Variants in SLCO2A1 observed in about 807,000 individuals in gnomAD.
The protein encoded by SLCO2A1 is solute carrier organic anion transporter family member 2A1.
In SLCO2A1, 60 loss-of-function variants were observed where a neutral mutation model predicts 71.7. The observed-to-expected ratio is 0.84, with a 90% confidence interval of 0.68 to 1.04. The LOEUF is 1.04. Ranked by LOEUF, SLCO2A1 falls within the 50% of genes least tolerant of loss-of-function variation. The probability of loss-of-function intolerance (pLI) is 0.00; values close to 1 mark genes in which losing one functional copy is unlikely to be tolerated. For synonymous variants in SLCO2A1, 308 were observed against 326.7 expected, an observed-to-expected ratio of 0.94 and a Z score of 0.62; for missense variants, 745 against 813.4, an observed-to-expected ratio of 0.92 and a Z score of 1.02.
intron 2 of SLCO2A1, among the ~76,000 whole-genome samples, chr3:133,976,944 AC>A (rs1390589288): frequency 1.3e-5 from 2 of 152,042 alleles, no homozygotes; most frequent in East Asian, 3.9e-4. Context: ...CAAAGGCTTC[AC>A]CTCACCTACT....
intron 5 of SLCO2A1, 61 bp from the exon 6 acceptor site, chr3:133,951,405 C>G (rs1933743284): frequency 6.3e-7 from 1 of 1,591,198 alleles, no homozygotes; most frequent in African/African-American, 1.3e-5. Flanking sequence ...TTACTGGAAA[C>G]AGAACCTCTG....
At chr3:133,991,633 C>A (rs1161374459) in intron 1 of SLCO2A1, among the ~76,000 whole-genome samples, 1 of 152,206 alleles carries the variant, frequency 6.6e-6, no homozygotes, top group Non-Finnish European at 1.5e-5. Flanking sequence ...TCAGAACAAT[C>A]TAGGAAGAAA....
Position 133,938,488 on chromosome 3 carries a change from A to C in SLCO2A1, c.1631T>G (p.Val544Gly). 6.2e-7 allele frequency: 1 copy of C among 1,614,056 alleles called. No homozygotes were observed. The part of the protein sequence containing the change: ...NPLYMMVLRV[V>G]NQEEKSFAIG... ...GGCAAATGACTTTTCCTCCTGGTTCACCACACTGAAAAGACAGACAGGAAA... is the reference window on the plus strand; with the variant it reads ...GGCAAATGACTTTTCCTCCTGGTTCCCCACACTGAAAAGACAGACAGGAAA... Residue 544 changes from valine (V) to glycine (G), a missense_variant, in exon 12 of 14, where the codon GTG becomes GGG. By Grantham distance (109) the Val-to-Gly change is moderately radical. Transcript: ENST00000310926.
At chr3:133,942,790 A>T in intron 10 of SLCO2A1, 22 bp from the exon 11 acceptor site, 1 of 1,581,188 alleles carries the variant, frequency 6.3e-7, no homozygotes, top group Non-Finnish European at 8.6e-7. Flanking sequence ...AGGGGAGGGA[A>T]AAAGGGGGAA....
At chr3:134,029,006 A>G (rs1049127319) in intron 1 of SLCO2A1, among the ~76,000 whole-genome samples, 6 of 152,074 alleles carry the variant, frequency 3.9e-5, no homozygotes, top group Non-Finnish European at 8.8e-5. Context: ...GGACCTGCTT[A>G]GACCTTACTG....
At chr3:133,960,633 A>T (rs1934013398) in intron 3 of SLCO2A1, among the ~76,000 whole-genome samples, 1 of 152,226 alleles carries the variant, frequency 6.6e-6, no homozygotes, top group South Asian at 2.1e-4. Context: ...GATGATGATG[A>T]TGGTTGCACA....
chr3:133,986,916 G>A (rs138293544), intron 1 of SLCO2A1, among the ~76,000 whole-genome samples: 29 of 152,038 alleles, frequency 1.9e-4, no homozygotes, highest in African/African-American at 6.3e-4. Flanking sequence ...TCGGAACTAC[G>A]ATCTAACCAT....
chr3:133,946,993 T>C (rs1933594470), intron 9 of SLCO2A1, among the ~76,000 whole-genome samples: 1 of 152,076 alleles, frequency 6.6e-6, no homozygotes, highest in African/African-American at 2.4e-5. Flanking sequence ...TACACACCTG[T>C]AATCCCAGCT....
At position 133,967,114 on chromosome 3, in the gene SLCO2A1, C is replaced by T. The variant is rs143530446; in HGVS notation, c.397+6549G>A. ...GCCTTCCTGGAGAAGCGACTCTCAG[C>T]GGAGCAGGCTGCAGCTTGCCTCCTG... is the stretch of plus-strand genomic sequence containing the variant. On this transcript the variant is annotated intron_variant, in intron 3 of 13. Transcript: ENST00000310926. Among the ~76,000 whole-genome samples, 1,511 of 152,294 alleles carry T rather than the reference C, an allele frequency of 9.9e-3. 15 individuals are homozygous for T. The highest frequency in any genetic ancestry group is 0.018 in the Non-Finnish European group (1,192 of 68,018).
chr3:133,948,770 G>T, intron 7 of SLCO2A1, 70 bp from the exon 8 acceptor site: 1 of 1,595,764 alleles, frequency 6.3e-7, no homozygotes, highest in South Asian at 1.1e-5. Flanking sequence ...GGATGGGCCA[G>T]TTACAGGCCC....
chr3:133,955,234 C>T (rs1253747560), intron 3 of SLCO2A1, 41 bp from the exon 4 acceptor site: 7 of 1,548,436 alleles, frequency 4.5e-6, no homozygotes, highest in Non-Finnish European at 6.1e-6. Context: ...ACCCTGGTCT[C>T]CTGGTTCCAC....
At chr3:133,938,326 G>A (rs763152609) in intron 12 of SLCO2A1, 103 bp downstream of exon 12, 45 of 988,230 alleles carry the variant, frequency 4.6e-5, no homozygotes, top group East Asian at 2.4e-5. Flanking sequence ...TCTTCGCCAT[G>A]GAGATGAGAT....
chr3:133,949,198 A>G lies in SLCO2A1; in HGVS notation c.862-227T>C, dbSNP rs1029440484. 1.4e-5 allele frequency: 8 copies of G among 567,156 alleles called. No homozygotes were observed. The Admixed American group carries it at 1.5e-4, about 11-fold the overall frequency. 35.1% of individuals were successfully genotyped at this position (567,156 alleles called of 1,614,324 possible). On this transcript the variant is annotated intron_variant, in intron 6 of 13. Coordinates refer to ENST00000310926, the MANE Select transcript of SLCO2A1 (RefSeq NM_005630.3). ...CGACAATCAGAACACATCTATGCCA[A>G]TGCCTCCCACGATACCTGTGGGCAT...
At chr3:133,984,369 G>A (rs1934661204) in intron 1 of SLCO2A1, among the ~76,000 whole-genome samples, 1 of 152,180 alleles carries the variant, frequency 6.6e-6, no homozygotes, top group Non-Finnish European at 1.5e-5. Flanking sequence ...TCAGGTCTGG[G>A]TGCCTCATGG....
intron 3 of SLCO2A1, among the ~76,000 whole-genome samples, chr3:133,957,963 A>G (rs935417909): frequency 6.6e-6 from 1 of 152,194 alleles, no homozygotes; most frequent in Admixed American, 6.5e-5. Context: ...CCAGTCCCAC[A>G]CCAGGTCTAG....
chr3:134,029,155 AG>A (rs1242871122), intron 1 of SLCO2A1, among the ~76,000 whole-genome samples: 1 of 152,120 alleles, frequency 6.6e-6, no homozygotes, highest in Non-Finnish European at 1.5e-5. Flanking sequence ...ACAGCCAGGT[AG>A]CAGAGCCCCC....
chr3:134,008,132 C>A (rs779795125), intron 1 of SLCO2A1, among the ~76,000 whole-genome samples: 2 of 152,184 alleles, frequency 1.3e-5, no homozygotes, highest in African/African-American at 2.4e-5. Flanking sequence ...TGTATGAGAA[C>A]CGTGAAGGTG....
At chr3:133,938,705 C>T (rs1933336781) in intron 11 of SLCO2A1, among the ~76,000 whole-genome samples, 1 of 152,054 alleles carries the variant, frequency 6.6e-6, no homozygotes. Flanking sequence ...CCCCTGGGAA[C>T]TTGTTAGATA....
intron 3 of SLCO2A1, among the ~76,000 whole-genome samples, chr3:133,972,719 CAA>C (rs1934354199): frequency 6.6e-6 from 1 of 152,132 alleles, no homozygotes; most frequent in Admixed American, 6.5e-5. Context: ...ATGGTACCTT[CAA>C]AGTGTTGAGA....
Sources: allele counts gnomAD v4.1 joint callset (sites outside exome capture counted in the v4.1 genomes callset), GRCh38; gene constraint gnomAD v4.1.1; transcripts MANE v1.5; gene names NCBI Gene and HGNC (gene_info 2026-07-23, HGNC 2026-07-21).